HDAC9: variants seen among roughly 807,000 people sequenced by gnomAD.
HDAC9 encodes histone deacetylase 9.
Under a neutral mutation model 139.4 loss-of-function variants are expected in HDAC9, and 41 were observed. The observed-to-expected ratio is 0.29, with a 90% CI of 0.23 to 0.38. The LOEUF (loss-of-function observed/expected upper bound fraction) is 0.38, where lower values mean the gene tolerates loss of function less well. Among genes scored for constraint, HDAC9 ranks in the 10% least tolerant of loss-of-function variants. The pLI, the probability that HDAC9 is intolerant of heterozygous loss-of-function variation, is 1.00. For missense variants in HDAC9, 1,147 were observed against 1,297.0 expected (o/e 0.88, Z 1.78); for synonymous variants, 517 against 476.2 (o/e 1.09, Z -1.12).
At chr7:18,115,744 A>T (rs1243553269) in intron 1 of HDAC9, among the ~76,000 whole-genome samples, 1 of 152,222 alleles carries the variant, frequency 6.6e-6, no homozygotes, top group Non-Finnish European at 1.5e-5. Context: ...ACAATTAGGC[A>T]TTATGCCAAA....
At chr7:18,359,577 C>T (rs1028133571) in intron 1 of HDAC9, among the ~76,000 whole-genome samples, 1 of 152,138 alleles carries the variant, frequency 6.6e-6, no homozygotes, top group African/African-American at 2.4e-5. Flanking sequence ...CCAGCACCTG[C>T]TTTGTGTCTC....
intron 2 of HDAC9, among the ~76,000 whole-genome samples, chr7:18,279,121 T>G (rs909482349): frequency 9.2e-5 from 14 of 152,178 alleles, no homozygotes; most frequent in African/African-American, 3.4e-4. Flanking sequence ...CAAAATCCAG[T>G]CATAATAAAA....
intron 2 of HDAC9, among the ~76,000 whole-genome samples, chr7:18,524,038 C>A (rs1176654851): frequency 2.0e-5 from 3 of 151,824 alleles, no homozygotes; most frequent in African/African-American, 7.3e-5. Context: ...AGTAGGAAAA[C>A]CTTACACTAT....
chr7:18,642,032 T>C (rs2129012889), intron 8 of HDAC9, among the ~76,000 whole-genome samples: 1 of 152,228 alleles, frequency 6.6e-6, no homozygotes, highest in East Asian at 1.9e-4. Flanking sequence ...CTTGAAAGTC[T>C]ACATAAATGC....
intron 2 of HDAC9, among the ~76,000 whole-genome samples, chr7:18,545,762 A>G (rs1760740330): frequency 6.6e-6 from 1 of 152,196 alleles, no homozygotes; most frequent in African/African-American, 2.4e-5. Flanking sequence ...AATGAATGAA[A>G]GGGCACATGT....
At chr7:18,333,278 T>C (rs935403254) in intron 1 of HDAC9, among the ~76,000 whole-genome samples, 4 of 151,268 alleles carry the variant, frequency 2.6e-5, no homozygotes, top group Non-Finnish European at 4.4e-5. Context: ...AATGGGGAGA[T>C]TTAGGCCAAA....
chr7:18,722,393 C>G lies in HDAC9; in HGVS notation c.1732-5187C>G, dbSNP rs191566042. On this transcript the variant is annotated intron_variant, in intron 12 of 25. Transcript: ENST00000686413. ...GTAAAATGTTAACTTGGGTATTTATCTAATTTTTATTAACAGTAGATTCTG... is the reference window on the plus strand; with the variant it reads ...GTAAAATGTTAACTTGGGTATTTATGTAATTTTTATTAACAGTAGATTCTG... 3.9e-5 allele frequency among the ~76,000 whole-genome samples: 6 copies of G among 152,258 alleles called. No individual in the cohort carries two copies. In the East Asian group the frequency reaches 9.6e-4, roughly 24 times the overall value.
chr7:18,327,984 A>G (rs1800596838), intron 1 of HDAC9, among the ~76,000 whole-genome samples: 1 of 152,010 alleles, frequency 6.6e-6, no homozygotes, highest in South Asian at 2.1e-4. Flanking sequence ...AATTGGAAAA[A>G]TCTAGCATGG....
chr7:18,596,524 G>A (rs533391502), intron 6 of HDAC9, among the ~76,000 whole-genome samples: 1 of 152,176 alleles, frequency 6.6e-6, no homozygotes, highest in East Asian at 1.9e-4. Flanking sequence ...GTATTTCAGT[G>A]ACTCAAAAGT....
intron 2 of HDAC9, among the ~76,000 whole-genome samples, chr7:18,535,999 T>C (rs1321129843): frequency 6.6e-6 from 1 of 152,168 alleles, no homozygotes; most frequent in Non-Finnish European, 1.5e-5. Flanking sequence ...CTCTGTCATT[T>C]TTATGTTCCC....
chr7:18,275,437 A>G (rs1384092311), intron 2 of HDAC9, among the ~76,000 whole-genome samples: 1 of 152,152 alleles, frequency 6.6e-6, no homozygotes, highest in African/African-American at 2.4e-5. Flanking sequence ...TTAAGTATGA[A>G]TCATGTTGTA....
chr7:18,918,715 C>T (rs1423704662), intron 22 of HDAC9, among the ~76,000 whole-genome samples: 3 of 152,032 alleles, frequency 2.0e-5, no homozygotes, highest in South Asian at 4.1e-4. Flanking sequence ...CCATTGTTTT[C>T]ACCAGAAACA....
intron 1 of HDAC9, among the ~76,000 whole-genome samples, chr7:18,368,231 A>G (rs1010152522): frequency 8.6e-5 from 13 of 151,992 alleles, no homozygotes; most frequent in Non-Finnish European, 1.6e-4. Context: ...ATTTCCTATG[A>G]AAGGTCATAA....
intron 17 of HDAC9, among the ~76,000 whole-genome samples, chr7:18,805,832 T>G (rs1793660135): frequency 6.6e-6 from 1 of 152,204 alleles, no homozygotes; most frequent in Non-Finnish European, 1.5e-5. Flanking sequence ...TTTATGATTT[T>G]TCCTTCTTCC....
intron 2 of HDAC9, among the ~76,000 whole-genome samples, chr7:18,585,079 T>C (rs1829039406): frequency 6.6e-6 from 1 of 152,222 alleles, no homozygotes; most frequent in African/African-American, 2.4e-5. Context: ...AATTGCTGAA[T>C]GAAAATTAGC....
At chr7:18,889,961 A>G (rs1289443348) in intron 22 of HDAC9, among the ~76,000 whole-genome samples, 2 of 152,122 alleles carry the variant, frequency 1.3e-5, no homozygotes, top group African/African-American at 4.8e-5. Flanking sequence ...TAGCCTTCCA[A>G]AGTGTTGGGA....
intron 22 of HDAC9, among the ~76,000 whole-genome samples, chr7:18,910,476 A>G (rs1390906790): frequency 1.3e-5 from 2 of 151,850 alleles, no homozygotes; most frequent in Non-Finnish European, 2.9e-5. Flanking sequence ...ATATGTGATT[A>G]TATTATCTGC....
At chr7:18,935,788 G>A (rs546318545) in intron 22 of HDAC9, 21 bp from the exon 23 acceptor site, 2 of 1,606,918 alleles carry the variant, frequency 1.2e-6, no homozygotes, top group African/African-American at 1.3e-5. Context: ...ACTTTGAAAT[G>A]TTCTGTTTGT....
intron 21 of HDAC9, among the ~76,000 whole-genome samples, chr7:18,866,996 A>G (rs1056583314): frequency 6.6e-6 from 1 of 152,212 alleles, no homozygotes; most frequent in African/African-American, 2.4e-5. Context: ...TCATGGAAAG[A>G]AATTTAAAGT....
Sources: gnomAD v4.1 joint callset for allele counts (sites outside exome capture counted in the v4.1 genomes callset) on GRCh38, gnomAD v4.1.1 for gene constraint, MANE v1.5 for transcripts, NCBI Gene and HGNC (gene_info 2026-07-23, HGNC 2026-07-21) for gene names.